ATRNL1: variants seen among roughly 807,000 people sequenced by gnomAD.
ATRNL1 encodes the protein attractin like 1.
ATRNL1 carries 95 observed loss-of-function variants against 182.7 expected under a neutral mutation model. The observed-to-expected ratio is 0.52, with a 90% CI of 0.44 to 0.62. The LOEUF (loss-of-function observed/expected upper bound fraction) is 0.62, where lower values mean the gene tolerates loss of function less well. Ranked by LOEUF, ATRNL1 falls within the 20% of genes least tolerant of loss-of-function variation. The pLI is 0.00. For missense variants in ATRNL1, 1,471 were observed against 1,679.5 expected (o/e 0.88, Z 2.17); for synonymous variants, 576 against 568.3 (o/e 1.01, Z -0.19).
At chr10:115,393,422 A>C (rs1390302979) in intron 19 of ATRNL1, among the ~76,000 whole-genome samples, 3 of 152,184 alleles carry the variant, frequency 2.0e-5, no homozygotes, top group Non-Finnish European at 4.4e-5. Flanking sequence ...AAAATAATGA[A>C]AAAGTTGAAC....
chr10:115,816,620 A>G (rs893526711), intron 27 of ATRNL1, among the ~76,000 whole-genome samples: 2 of 13,306 alleles, frequency 1.5e-4, no homozygotes, highest in Non-Finnish European at 4.0e-4. Context: ...ACACAGACAC[A>G]CACACACACA....
At position 115,728,759 on chromosome 10, in the gene ATRNL1, C is replaced by T. The variant is rs558387769; in HGVS notation, c.3903+1404C>T. The stretch of plus-strand genomic sequence containing the variant: ...ATTTTGTGTACTTGATTTTTTACTA[C>T]TCTAGATCACAGGTTACCATGGAAG... On this transcript the variant is annotated intron_variant, in intron 27 of 28. Transcript: ENST00000355044. 4.0e-3 allele frequency among the ~76,000 whole-genome samples: 605 copies of T among 152,166 alleles called. 4 individuals carry two copies. The highest frequency in any genetic ancestry group is 4.7e-3 in the Non-Finnish European group (318 of 67,976).
intron 26 of ATRNL1, among the ~76,000 whole-genome samples, chr10:115,688,068 T>C (rs1396520906): frequency 1.3e-5 from 2 of 152,132 alleles, no homozygotes; most frequent in Non-Finnish European, 2.9e-5. Context: ...CATGCAGTAT[T>C]TGTCTTTCTG....
chr10:115,333,735 C>T (rs1027201164), intron 18 of ATRNL1, among the ~76,000 whole-genome samples: 7 of 152,072 alleles, frequency 4.6e-5, no homozygotes, highest in South Asian at 2.1e-4. Flanking sequence ...GATCTGCCCA[C>T]CTCGGCCTCC....
chr10:115,281,009 A>G (rs1177809435), intron 13 of ATRNL1, among the ~76,000 whole-genome samples: 1 of 152,086 alleles, frequency 6.6e-6, no homozygotes, highest in Admixed American at 6.6e-5. Context: ...TGTTTATAAT[A>G]CCTTATTTGA....
At position 115,586,557 on chromosome 10, in the gene ATRNL1, G is replaced by A. The variant is rs1855516778; in HGVS notation, c.3795+37021G>A. Among the ~76,000 whole-genome samples the A allele has an allele frequency of 2.0e-5, 2 of 98,854 alleles. 1 individual carries two copies. The allele number at this position is 98,854 out of a possible 152,430, so 64.9% of individuals were successfully genotyped here. A position where few individuals can be genotyped will look rare whatever the true frequency, so the allele number is the denominator to read the frequency against. Reference sequence around the variant, plus strand: ...CCAGTTGTTCGCATCGGCTCCTGAGGCTTCTGCATTCTTCACGTAGTTCTC... The same window carrying A: ...CCAGTTGTTCGCATCGGCTCCTGAGACTTCTGCATTCTTCACGTAGTTCTC... On this transcript the variant is annotated intron_variant, in intron 26 of 28. Transcript: ENST00000355044.
chr10:115,749,634 G>A (rs1555070135), intron 27 of ATRNL1, among the ~76,000 whole-genome samples: 1 of 151,698 alleles, frequency 6.6e-6, no homozygotes, highest in East Asian at 1.9e-4. Context: ...CAGCTCTCAT[G>A]CATTCTTTTT....
intron 8 of ATRNL1, among the ~76,000 whole-genome samples, chr10:115,211,625 A>G (rs1178015191): frequency 6.7e-6 from 1 of 149,064 alleles, no homozygotes; most frequent in Non-Finnish European, 1.5e-5. Flanking sequence ...TTTTTTTTTT[A>G]TTATACTTTA....
chr10:115,269,817 A>C (rs1851764900), intron 13 of ATRNL1, among the ~76,000 whole-genome samples: 1 of 152,158 alleles, frequency 6.6e-6, no homozygotes, highest in Non-Finnish European at 1.5e-5. Flanking sequence ...CTAAGTAAAA[A>C]ATTTGATTGT....
At chr10:115,263,443 C>T (rs560276419) in intron 10 of ATRNL1, among the ~76,000 whole-genome samples, 12 of 151,830 alleles carry the variant, frequency 7.9e-5, no homozygotes, top group African/African-American at 2.9e-4. Context: ...AACAGAATGG[C>T]AGTTTCTTAA....
intron 8 of ATRNL1, among the ~76,000 whole-genome samples, chr10:115,210,279 T>A (rs1554894695): frequency 6.6e-6 from 1 of 152,020 alleles, no homozygotes; most frequent in African/African-American, 2.4e-5. Context: ...ACATCCTAAG[T>A]CTAGATACTG....
At chr10:115,798,028 C>A (rs551256510) in intron 27 of ATRNL1, among the ~76,000 whole-genome samples, 4 of 152,336 alleles carry the variant, frequency 2.6e-5, no homozygotes, top group Non-Finnish European at 5.9e-5. Context: ...CGCCATTCTC[C>A]TGCCTCAGCC....
intron 24 of ATRNL1, among the ~76,000 whole-genome samples, chr10:115,503,086 G>A (rs1271723681): frequency 3.3e-5 from 5 of 152,070 alleles, no homozygotes; most frequent in African/African-American, 9.7e-5. Context: ...AGGACTTGGT[G>A]TCCTTTTTAG....
At chr10:115,810,531 G>A (rs1262828694) in intron 27 of ATRNL1, among the ~76,000 whole-genome samples, 2 of 151,882 alleles carry the variant, frequency 1.3e-5, no homozygotes, top group Admixed American at 6.6e-5. Flanking sequence ...GACAGTGTCT[G>A]TAAGATAATA....
intron 21 of ATRNL1, among the ~76,000 whole-genome samples, chr10:115,436,801 C>T (rs1278823001): frequency 3.3e-5 from 5 of 152,016 alleles, no homozygotes; most frequent in African/African-American, 1.2e-4. Flanking sequence ...TACTTATTGA[C>T]TAGCTACTTT....
At chr10:115,268,995 A>T (rs923265735) in intron 13 of ATRNL1, among the ~76,000 whole-genome samples, 1 of 152,202 alleles carries the variant, frequency 6.6e-6, no homozygotes, top group Non-Finnish European at 1.5e-5. Context: ...TGGAGCTGCT[A>T]TTGGCATCTA....
At chr10:115,378,580 C>T (rs1431401032) in intron 19 of ATRNL1, among the ~76,000 whole-genome samples, 1 of 152,084 alleles carries the variant, frequency 6.6e-6, no homozygotes, top group East Asian at 1.9e-4. Context: ...AGTTAGTCTC[C>T]CAGCAGTTCC....
chr10:115,891,503 A>G (rs782353302), intron 28 of ATRNL1, among the ~76,000 whole-genome samples: 1 of 152,238 alleles, frequency 6.6e-6, no homozygotes, highest in Non-Finnish European at 1.5e-5. Flanking sequence ...TTGTGCATAT[A>G]TAATGCCAAT....
At chr10:115,386,493 C>T (rs1554952666) in intron 19 of ATRNL1, among the ~76,000 whole-genome samples, 1 of 152,090 alleles carries the variant, frequency 6.6e-6, no homozygotes, top group East Asian at 1.9e-4. Flanking sequence ...GTGCTGTAAA[C>T]AGTTGTGACT....
Sources: allele counts gnomAD v4.1 joint callset (sites outside exome capture counted in the v4.1 genomes callset), GRCh38; gene constraint gnomAD v4.1.1; transcripts MANE v1.5; gene names NCBI Gene and HGNC (gene_info 2026-07-23, HGNC 2026-07-21).